Variants in XXYLT1 observed in about 807,000 individuals in gnomAD.
The protein encoded by XXYLT1 is UDP-xylose:alpha-xyloside alpha-1,3-xylosyltransferase.
A neutral mutation model predicts 28.9 loss-of-function variants in XXYLT1; 20 were observed. That is an observed-to-expected ratio of 0.69 (90% CI 0.49 to 1.00). The LOEUF (loss-of-function observed/expected upper bound fraction) is 1.00, where lower values mean the gene tolerates loss of function less well. Ranked by LOEUF, XXYLT1 falls within the 50% of genes least tolerant of loss-of-function variation. XXYLT1 has a pLI of 0.00. For synonymous variants in XXYLT1, 257 were observed against 253.8 expected, an observed-to-expected ratio of 1.01 and a Z score of -0.12; for missense variants, 542 against 560.1, an observed-to-expected ratio of 0.97 and a Z score of 0.33.
Position 195,180,805 on chromosome 3 carries a change from G to C in XXYLT1, c.653-24224C>G, listed in dbSNP as rs112767455. ...CGGCCCTCCTCGGGAGAAGCTCCAA[G>C]GCCTGTCCCTAGTCCTGCCTCAGGA... On this transcript the variant is annotated intron_variant, in intron 2 of 3. Coordinates refer to ENST00000310380, the MANE Select transcript of XXYLT1 (RefSeq NM_152531.5). The surrounding 1 kb of genome is among the most constrained non-coding windows in gnomAD (Gnocchi z 5.8). 0.012 allele frequency among the ~76,000 whole-genome samples: 1,758 copies of C among 152,338 alleles called. 34 individuals are homozygous for C. The highest frequency in any genetic ancestry group is 0.04 in the African/African-American group (1,667 of 41,570).
chr3:195,147,131 C>G (rs1283812936), intron 3 of XXYLT1: 3 of 153,772 alleles, frequency 2.0e-5, no homozygotes, highest in African/African-American at 7.2e-5. Context: ...AGTGTTGACA[C>G]CGCAGGCATT....
At chr3:195,187,757 C>T (rs1722264703) in intron 2 of XXYLT1, among the ~76,000 whole-genome samples, 1 of 152,176 alleles carries the variant, frequency 6.6e-6, no homozygotes, top group African/African-American at 2.4e-5. Flanking sequence ...CGAACATGCT[C>T]TTAATATTAT....
chr3:195,112,610 C>G (rs551524478), intron 3 of XXYLT1, among the ~76,000 whole-genome samples: 2 of 95,134 alleles, frequency 2.1e-5, no homozygotes, highest in Admixed American at 1.5e-4. Flanking sequence ...TGCACACACA[C>G]GCACACATGT....
At chr3:195,235,861 G>T (rs1435538661) in intron 1 of XXYLT1, among the ~76,000 whole-genome samples, 1 of 152,086 alleles carries the variant, frequency 6.6e-6, no homozygotes, top group Non-Finnish European at 1.5e-5. Context: ...TCTCCCAGAT[G>T]AATGCAATCT....
At chr3:195,221,755 T>C (rs1284517364) in intron 2 of XXYLT1, among the ~76,000 whole-genome samples, 1 of 150,424 alleles carries the variant, frequency 6.6e-6, no homozygotes, top group East Asian at 1.9e-4. Context: ...TTTTTTTTTT[T>C]CCATTGCATA....
intron 3 of XXYLT1, among the ~76,000 whole-genome samples, chr3:195,130,684 G>GA (rs1403758962): frequency 6.6e-6 from 1 of 152,194 alleles, no homozygotes; most frequent in East Asian, 1.9e-4. Flanking sequence ...CACTGGAGGC[G>GA]AGAGGAGGGG....
chr3:195,257,819 C>A lies in XXYLT1; in HGVS notation c.504+12736G>T, dbSNP rs1297503821. Among the ~76,000 whole-genome samples, 1 of 152,084 alleles carries A rather than the reference C, an allele frequency of 6.6e-6. No individual in the cohort carries two copies. The highest frequency in any genetic ancestry group is 6.5e-5 in the Admixed American group (1 of 15,270). ...CAGAGCCAGTCTGTGGCTCCAGCTG[C>A]CTGAGTTCCCTCATCTCTAAGGTGG... On this transcript the variant is annotated intron_variant, in intron 1 of 3. Transcript: ENST00000310380. This position sits in a 1 kb window ranked among gnomAD's most constrained non-coding sequence, Gnocchi z 4.3.
At chr3:195,197,089 T>C (rs1044311055) in intron 2 of XXYLT1, among the ~76,000 whole-genome samples, 1 of 152,220 alleles carries the variant, frequency 6.6e-6, no homozygotes, top group African/African-American at 2.4e-5. Context: ...TCAATTAGCT[T>C]GTAACTTAAA....
At chr3:195,248,237 A>G (rs535280768) in intron 1 of XXYLT1, among the ~76,000 whole-genome samples, 63 of 152,306 alleles carry the variant, frequency 4.1e-4, no homozygotes, top group African/African-American at 1.5e-3. Context: ...TTTGACTTCA[A>G]CAGATACTAC....
intron 1 of XXYLT1, among the ~76,000 whole-genome samples, chr3:195,253,775 A>G (rs1350487471): frequency 6.6e-6 from 1 of 152,162 alleles, no homozygotes; most frequent in African/African-American, 2.4e-5. Flanking sequence ...CTAGGATTAC[A>G]GGCGTGAGCC....
rs1409572296 is a variant in XXYLT1 at position 195,195,436 on chromosome 3, G to C, written c.652+31273C>G. 6.6e-6 allele frequency among the ~76,000 whole-genome samples: 1 copy of C among 152,192 alleles called. No homozygotes were observed. Among genetic ancestry groups the C allele is most frequent in the Non-Finnish European group, 1.5e-5 (1 of 68,028 alleles). On this transcript the variant is annotated intron_variant, in intron 2 of 3. Transcript: ENST00000310380. The surrounding 1 kb of genome is among the most constrained non-coding windows in gnomAD (Gnocchi z 4.4). The stretch of plus-strand genomic sequence containing the variant: ...TCCTCAGAGTCGCTCAGGCGCCTAA[G>C]ACTGTTCCAGTCAGAAGTCCCACTG...
At chr3:195,147,569 TCAAA>T (rs1466372449) in intron 3 of XXYLT1, among the ~76,000 whole-genome samples, 1 of 152,098 alleles carries the variant, frequency 6.6e-6, no homozygotes, top group East Asian at 1.9e-4. Flanking sequence ...AAACTATGTC[TCAAA>T]CAAACAAACT....
At chr3:195,122,300 C>T in intron 3 of XXYLT1, 1 of 637,584 alleles carries the variant, frequency 1.6e-6, no homozygotes. Context: ...GTCCATTGCA[C>T]CCCTCAGTAG....
intron 1 of XXYLT1, among the ~76,000 whole-genome samples, chr3:195,249,100 C>A (rs921568157): frequency 6.6e-6 from 1 of 152,114 alleles, no homozygotes. Context: ...ATTGTAGATG[C>A]CCTATTCACA....
At chr3:195,100,324 A>G (rs572150333) in intron 3 of XXYLT1, among the ~76,000 whole-genome samples, 2 of 152,168 alleles carry the variant, frequency 1.3e-5, no homozygotes, top group African/African-American at 4.8e-5. Context: ...TGTGGCCTAT[A>G]TGGCATGGAA....
chr3:195,088,173 G>A (rs1715877051), intron 3 of XXYLT1, among the ~76,000 whole-genome samples: 2 of 151,694 alleles, frequency 1.3e-5, no homozygotes, highest in Non-Finnish European at 2.9e-5. Flanking sequence ...CGAACTGGGT[G>A]GAGCCCACCA....
intron 3 of XXYLT1, among the ~76,000 whole-genome samples, chr3:195,089,260 T>C (rs1367844208): frequency 1.3e-5 from 2 of 152,080 alleles, no homozygotes; most frequent in Admixed American, 1.3e-4. Flanking sequence ...GAAAAAATGT[T>C]AAGGGCAGCC....
intron 3 of XXYLT1, among the ~76,000 whole-genome samples, chr3:195,084,122 G>A (rs1715594326): frequency 6.6e-6 from 1 of 152,216 alleles, no homozygotes; most frequent in African/African-American, 2.4e-5. Flanking sequence ...ACCAAGTTCA[G>A]AGCTGGAGTG....
At chr3:195,169,942 C>T (rs918676229) in intron 2 of XXYLT1, among the ~76,000 whole-genome samples, 3 of 150,896 alleles carry the variant, frequency 2.0e-5, no homozygotes, top group African/African-American at 4.9e-5. Context: ...CTCGGCTCAC[C>T]GCAACCTCTG....
Sources: gnomAD v4.1 joint callset for allele counts (sites outside exome capture counted in the v4.1 genomes callset) on GRCh38, gnomAD v4.1.1 for gene constraint, Gnocchi (gnomAD v3.1) non-coding constraint, MANE v1.5 for transcripts, NCBI Gene and HGNC (gene_info 2026-07-23, HGNC 2026-07-21) for gene names.